The following PAN3 variants were observed in gnomAD, a reference collection of about 807,000 sequenced individuals.
PAN3 encodes poly(A) specific ribonuclease subunit PAN3, also known as PAN2-PAN3 deadenylation complex subunit PAN3.
In PAN3, 19 loss-of-function variants were observed where a neutral mutation model predicts 96.2. The observed-to-expected ratio is 0.20, with a 90% CI of 0.14 to 0.29. The LOEUF is 0.29. Among genes scored for constraint, PAN3 ranks in the 10% least tolerant of loss-of-function variants. PAN3 has a pLI of 1.00. For synonymous variants in PAN3, 433 were observed against 406.6 expected (o/e 1.06, Z -0.78); for missense variants, 882 against 1,108.1 (o/e 0.80, Z 2.90).
intron 5 of PAN3, among the ~76,000 whole-genome samples, chr13:28,212,804 A>T (rs1054563991): frequency 1.3e-5 from 2 of 152,200 alleles, no homozygotes; most frequent in Non-Finnish European, 2.9e-5. Flanking sequence ...ACACGCAGAG[A>T]AAATGTGAGC....
chr13:28,210,667 G>A (rs1271962320), intron 5 of PAN3, among the ~76,000 whole-genome samples: 1 of 151,912 alleles, frequency 6.6e-6, no homozygotes, highest in Non-Finnish European at 1.5e-5. Flanking sequence ...CCCAGAAGTT[G>A]AGTATATTTT....
At chr13:28,221,258 G>A (rs561887797) in intron 6 of PAN3, among the ~76,000 whole-genome samples, 3 of 151,818 alleles carry the variant, frequency 2.0e-5, no homozygotes, top group Non-Finnish European at 4.4e-5. Context: ...GAGCAGATTG[G>A]TATCTTATGT....
intron 1 of PAN3, among the ~76,000 whole-genome samples, chr13:28,154,944 C>T (rs1262841702): frequency 6.6e-6 from 1 of 151,760 alleles, no homozygotes; most frequent in Non-Finnish European, 1.5e-5. Context: ...CCTCAGCCTC[C>T]CGAGTAGCTG....
chr13:28,222,615 C>T (rs780943817), intron 6 of PAN3, among the ~76,000 whole-genome samples: 8 of 152,114 alleles, frequency 5.3e-5, no homozygotes, highest in Non-Finnish European at 7.4e-5. Flanking sequence ...GTCTGCCTTT[C>T]GGAAAAACCA....
At chr13:28,268,265 A>G (rs1417555340) in intron 12 of PAN3, among the ~76,000 whole-genome samples, 4 of 151,810 alleles carry the variant, frequency 2.6e-5, no homozygotes, top group African/African-American at 9.7e-5. Context: ...TTTCTTTATT[A>G]TAGGTATTTT....
intron 13 of PAN3, among the ~76,000 whole-genome samples, 197 bp from the exon 14 acceptor site, chr13:28,271,784 A>G (rs192549608): frequency 1.8e-3 from 272 of 152,306 alleles, no homozygotes; most frequent in African/African-American, 6.2e-3. Context: ...AGCTGTAGGT[A>G]TATCACTTGA....
intron 1 of PAN3, among the ~76,000 whole-genome samples, chr13:28,145,544 C>T (rs533527633): frequency 6.6e-6 from 1 of 151,994 alleles, no homozygotes; most frequent in South Asian, 2.1e-4. Context: ...CCAGGCGGGT[C>T]TCAAACTCTT....
At chr13:28,260,418 T>A in intron 7 of PAN3, 29 bp from the exon 8 acceptor site, 2 of 1,514,382 alleles carry the variant, frequency 1.3e-6, no homozygotes, top group Non-Finnish European at 1.8e-6. Context: ...AAATGAGTGA[T>A]TACATTTACC....
chr13:28,145,540 G>A (rs571320854), intron 1 of PAN3, among the ~76,000 whole-genome samples: 13 of 150,786 alleles, frequency 8.6e-5, no homozygotes, highest in Middle Eastern at 7.0e-3. Context: ...TTGGCCAGGC[G>A]GGTCTCAAAC....
intron 4 of PAN3, among the ~76,000 whole-genome samples, chr13:28,195,159 C>T (rs1054393277): frequency 3.3e-5 from 5 of 152,100 alleles, no homozygotes; most frequent in Admixed American, 3.3e-4. Flanking sequence ...TCTGTAATCC[C>T]AGCACTTTGG....
At chr13:28,214,772 A>G (rs377739476) in intron 5 of PAN3, 3 of 579,498 alleles carry the variant, frequency 5.2e-6, no homozygotes, top group African/African-American at 1.9e-5. Flanking sequence ...CAAGTACTAC[A>G]TGACTTAGCA....
chr13:28,241,028 G>A (rs775989452), intron 6 of PAN3, among the ~76,000 whole-genome samples: 1 of 152,188 alleles, frequency 6.6e-6, no homozygotes, highest in Non-Finnish European at 1.5e-5. Context: ...GCTGGGAACC[G>A]AGGTGGCAAG....
chr13:28,260,667 G>T (rs746070111), intron 8 of PAN3, 116 bp downstream of exon 8: 8 of 803,836 alleles, frequency 1.0e-5, no homozygotes, highest in Non-Finnish European at 1.5e-5. Context: ...CTCTAGTAAA[G>T]CACATCGAAT....
intron 6 of PAN3, among the ~76,000 whole-genome samples, chr13:28,246,605 A>G (rs534857480): frequency 6.6e-6 from 1 of 152,284 alleles, no homozygotes; most frequent in South Asian, 2.1e-4. Context: ...ACTTCTGGTA[A>G]CCACCAGTCT....
intron 4 of PAN3, among the ~76,000 whole-genome samples, chr13:28,178,926 A>G (rs904858559): frequency 6.6e-6 from 1 of 152,202 alleles, no homozygotes; most frequent in Non-Finnish European, 1.5e-5. Context: ...TTACATGTCA[A>G]TCAGACCTCA....
chr13:28,282,753 G>C (rs1256450457), intron 17 of PAN3, among the ~76,000 whole-genome samples: 1 of 151,884 alleles, frequency 6.6e-6, no homozygotes, highest in Non-Finnish European at 1.5e-5. Context: ...TTCCTATCTG[G>C]GCTGGTTATG....
intron 6 of PAN3, chr13:28,239,588 T>C (rs1566216971): frequency 7.8e-7 from 1 of 1,288,168 alleles, no homozygotes; most frequent in Admixed American, 2.3e-5. Context: ...GGGAACAAGC[T>C]ACCCTCTGAG....
At chr13:28,196,012 A>G (rs1056013962) in intron 4 of PAN3, among the ~76,000 whole-genome samples, 3 of 150,468 alleles carry the variant, frequency 2.0e-5, no homozygotes, top group East Asian at 2.0e-4. Flanking sequence ...TTGACTGGCT[A>G]TAGGTTTTTT....
At chr13:28,180,354 G>T (rs543237488) in intron 4 of PAN3, among the ~76,000 whole-genome samples, 1 of 152,288 alleles carries the variant, frequency 6.6e-6, no homozygotes, top group East Asian at 1.9e-4. Context: ...AGTTTTTCCA[G>T]TAGTGAGCAA....
Sources: gnomAD v4.1 joint callset for allele counts (sites outside exome capture counted in the v4.1 genomes callset) on GRCh38, gnomAD v4.1.1 for gene constraint, MANE v1.5 for transcripts, NCBI Gene and HGNC (gene_info 2026-07-23, HGNC 2026-07-21) for gene names.